CTIF: variants seen among roughly 807,000 people sequenced by gnomAD.
The protein encoded by CTIF is cap binding complex dependent translation initiation factor, also known as CBP80/20-dependent translation initiation factor.
A neutral mutation model predicts 66.0 loss-of-function variants in CTIF; 21 were observed. That is an observed-to-expected ratio of 0.32 (90% CI 0.23 to 0.46). CTIF has a LOEUF of 0.46. Ranked by LOEUF, CTIF falls within the 20% of genes least tolerant of loss-of-function variation. CTIF has a pLI of 1.00. For missense variants in CTIF, 739 were observed against 812.7 expected, an observed-to-expected ratio of 0.91 and a Z score of 1.10; for synonymous variants, 345 against 326.4, an observed-to-expected ratio of 1.06 and a Z score of -0.62.
At chr18:48,545,985 G>A (rs1405728109) in intron 1 of CTIF, among the ~76,000 whole-genome samples, 2 of 152,194 alleles carry the variant, frequency 1.3e-5, no homozygotes, top group Non-Finnish European at 2.9e-5. Flanking sequence ...AAGCATTAGA[G>A]TGAGTTAGGG....
intron 10 of CTIF, among the ~76,000 whole-genome samples, chr18:48,838,671 C>T (rs1006863503): frequency 2.0e-5 from 3 of 152,216 alleles, no homozygotes; most frequent in Admixed American, 6.5e-5. Context: ...GGAGCCTTCA[C>T]TTAGGCACTG....
At chr18:48,845,659 T>G (rs943904593) in intron 10 of CTIF, among the ~76,000 whole-genome samples, 1 of 152,166 alleles carries the variant, frequency 6.6e-6, no homozygotes, top group Non-Finnish European at 1.5e-5. Context: ...GATCCCAGAT[T>G]ACCATTCTCC....
At chr18:48,779,083 C>G (rs1172339563) in intron 9 of CTIF, among the ~76,000 whole-genome samples, 8 of 152,170 alleles carry the variant, frequency 5.3e-5, no homozygotes, top group Non-Finnish European at 8.8e-5. Context: ...ATAATACCTG[C>G]CTCCTTTGGG....
intron 10 of CTIF, among the ~76,000 whole-genome samples, chr18:48,818,296 G>A (rs751568069): frequency 5.3e-5 from 8 of 152,198 alleles, no homozygotes; most frequent in Non-Finnish European, 1.0e-4. Flanking sequence ...CGAAGAGCAC[G>A]TTTAGGCTCT....
chr18:48,835,693 TC>T (rs2068793050), intron 10 of CTIF, among the ~76,000 whole-genome samples: 1 of 152,098 alleles, frequency 6.6e-6, no homozygotes, highest in Non-Finnish European at 1.5e-5. Flanking sequence ...ACACTGGAGA[TC>T]ATCTGATCTC....
chr18:48,737,457 TG>T (rs2145717628), intron 7 of CTIF, among the ~76,000 whole-genome samples: 1 of 152,366 alleles, frequency 6.6e-6, no homozygotes, highest in East Asian at 1.9e-4. Flanking sequence ...AGGGGCTCTT[TG>T]CCCCTTACCC....
chr18:48,818,749 G>C (rs1249161336), intron 10 of CTIF, among the ~76,000 whole-genome samples: 2 of 152,074 alleles, frequency 1.3e-5, no homozygotes, highest in Non-Finnish European at 2.9e-5. Flanking sequence ...CCACCGGCAG[G>C]CCTCTGCAGG....
intron 9 of CTIF, among the ~76,000 whole-genome samples, chr18:48,810,497 T>C (rs2068237326): frequency 6.6e-6 from 1 of 152,152 alleles, no homozygotes; most frequent in Admixed American, 6.5e-5. Flanking sequence ...TTTTTAATTG[T>C]TGTTAATTCA....
intron 3 of CTIF, among the ~76,000 whole-genome samples, chr18:48,656,068 A>C (rs1366706038): frequency 1.3e-5 from 2 of 152,212 alleles, no homozygotes; most frequent in Admixed American, 1.3e-4. Flanking sequence ...GCCTCATCGC[A>C]TACCCACTCA....
intron 7 of CTIF, among the ~76,000 whole-genome samples, chr18:48,741,058 T>C (rs1285840829): frequency 2.0e-5 from 3 of 152,188 alleles, no homozygotes; most frequent in Non-Finnish European, 2.9e-5. Context: ...GTGGTGATGA[T>C]TGAATAAGCA....
At chr18:48,542,117 CTTGAT>C (rs2088635921) in intron 1 of CTIF, among the ~76,000 whole-genome samples, 1 of 152,228 alleles carries the variant, frequency 6.6e-6, no homozygotes, top group Non-Finnish European at 1.5e-5. Flanking sequence ...TCAAAACACT[CTTGAT>C]TTGTTAACCA....
chr18:48,695,098 T>C (rs989632993), intron 6 of CTIF, among the ~76,000 whole-genome samples: 1 of 152,228 alleles, frequency 6.6e-6, no homozygotes, highest in Non-Finnish European at 1.5e-5. Flanking sequence ...AGCACAGCTA[T>C]TTTGGAAGCA....
chr18:48,648,846 G>A lies in CTIF; in HGVS notation c.252+12161G>A, dbSNP rs1197503604. Among the ~76,000 whole-genome samples, 6 of 152,324 alleles carry A rather than the reference G, an allele frequency of 3.9e-5. No homozygotes were observed. The East Asian group carries it at 7.7e-4, about 20-fold the overall frequency. On this transcript the variant is annotated intron_variant, in intron 3 of 11. Transcript: ENST00000256413. ...CCAAAAAGCCAGAGTGAGGCTGGGC[G>A]TGGTGGCTCACGCCTGTGATCCCAG...
intron 1 of CTIF, among the ~76,000 whole-genome samples, chr18:48,580,005 CTCCA>C (rs1273752911): frequency 2.0e-5 from 3 of 152,338 alleles, no homozygotes; most frequent in Admixed American, 6.5e-5. Context: ...TCAAGTGGTA[CTCCA>C]TCCATCCATC....
intron 10 of CTIF, among the ~76,000 whole-genome samples, chr18:48,819,821 CA>C (rs1374808461): frequency 2.0e-5 from 3 of 152,342 alleles, no homozygotes; most frequent in African/African-American, 7.2e-5. Context: ...CTCTGTTGTT[CA>C]TCAACTGCAC....
chr18:48,604,741 A>C (rs1349056315), intron 1 of CTIF, among the ~76,000 whole-genome samples: 1 of 152,178 alleles, frequency 6.6e-6, no homozygotes, highest in African/African-American at 2.4e-5. Context: ...CACCTTCATC[A>C]CCTCTAAAAG....
At chr18:48,711,560 G>A in intron 6 of CTIF, 59 bp from the exon 7 acceptor site, 2 of 1,361,748 alleles carry the variant, frequency 1.5e-6, no homozygotes, top group Non-Finnish European at 2.1e-6. Context: ...CAGTCCCAGA[G>A]GTGCTTTGCT....
chr18:48,659,465 G>T (rs888408049), intron 3 of CTIF, among the ~76,000 whole-genome samples: 1 of 152,168 alleles, frequency 6.6e-6, no homozygotes, highest in Non-Finnish European at 1.5e-5. Flanking sequence ...CAGCTCCGGG[G>T]GTGCTGTCCA....
intron 7 of CTIF, among the ~76,000 whole-genome samples, chr18:48,754,206 C>T (rs1161321190): frequency 2.0e-5 from 3 of 152,160 alleles, no homozygotes; most frequent in Non-Finnish European, 4.4e-5. Context: ...CTACAGGTCA[C>T]TGCGGTCCTT....
Sources: gnomAD v4.1 joint callset for allele counts (sites outside exome capture counted in the v4.1 genomes callset) on GRCh38, gnomAD v4.1.1 for gene constraint, MANE v1.5 for transcripts, NCBI Gene and HGNC (gene_info 2026-07-23, HGNC 2026-07-21) for gene names.